Variants in CMSS1 observed in about 807,000 individuals in gnomAD.
CMSS1 encodes cms1 ribosomal small subunit homolog.
Under a neutral mutation model 43.5 loss-of-function variants are expected in CMSS1, and 33 were observed. That is an observed-to-expected ratio of 0.76 (90% CI 0.57 to 1.01). CMSS1 has a LOEUF of 1.01. CMSS1 is among the 50% of genes least tolerant of loss of function. The pLI is 0.00. For synonymous variants in CMSS1, 115 were observed against 117.2 expected (o/e 0.98, Z 0.12); for missense variants, 313 against 326.4 (o/e 0.96, Z 0.32).
chr3:100,106,433 G>A (rs2066396547), intron 1 of CMSS1, among the ~76,000 whole-genome samples: 1 of 152,078 alleles, frequency 6.6e-6, no homozygotes, highest in East Asian at 1.9e-4. Context: ...ATGGCCCCAG[G>A]GACAAGAAGG....
intron 1 of CMSS1, among the ~76,000 whole-genome samples, chr3:99,914,835 T>A (rs976702449): frequency 6.6e-6 from 1 of 152,236 alleles, no homozygotes; most frequent in Non-Finnish European, 1.5e-5. Context: ...GAGAATTTGC[T>A]AAATAAGTTG....
intron 1 of CMSS1, among the ~76,000 whole-genome samples, chr3:100,000,346 T>G (rs1007996593): frequency 6.6e-6 from 1 of 152,242 alleles, no homozygotes; most frequent in African/African-American, 2.4e-5. Flanking sequence ...TATTTATTTG[T>G]TTTCTTGTTT....
chr3:100,059,214 C>T (rs975036772), intron 1 of CMSS1, among the ~76,000 whole-genome samples: 3 of 152,300 alleles, frequency 2.0e-5, no homozygotes, highest in African/African-American at 7.2e-5. Context: ...TGTTTCTGTC[C>T]AGTTTCTGGG....
chr3:100,147,405 G>A lies in CMSS1; in HGVS notation c.153+344G>A, dbSNP rs80233606. Among the ~76,000 whole-genome samples, 403 of 150,942 alleles carry A rather than the reference G, an allele frequency of 2.7e-3. 3 individuals carry two copies. Among genetic ancestry groups the A allele is most frequent in the African/African-American group, 9.3e-3 (382 of 41,120 alleles). ...CTTACCTCAGCCTCCCAAGTAGCTG[G>A]GATACCACAGGCATGCACCACCACA... On this transcript the variant is annotated intron_variant, in intron 2 of 9. Coordinates refer to ENST00000421999, the MANE Select transcript of CMSS1 (RefSeq NM_032359.4).
intron 1 of CMSS1, among the ~76,000 whole-genome samples, chr3:99,838,777 A>G (rs1418531155): frequency 6.6e-6 from 1 of 152,188 alleles, no homozygotes; most frequent in Non-Finnish European, 1.5e-5. Context: ...TTATCCCTAA[A>G]GTTGTCATAA....
At chr3:99,850,389 C>T in intron 1 of CMSS1, 1 of 1,613,462 alleles carries the variant, frequency 6.2e-7, no homozygotes, top group Non-Finnish European at 8.5e-7. Flanking sequence ...CGTCTTCTAA[C>T]TTTTCCAGAG....
intron 1 of CMSS1, among the ~76,000 whole-genome samples, chr3:99,929,102 C>T (rs1436084513): frequency 1.3e-5 from 2 of 152,084 alleles, no homozygotes; most frequent in African/African-American, 4.8e-5. Flanking sequence ...TGTTTCTTTT[C>T]TATAAAAATG....
chr3:99,893,085 A>G (rs1199909923), intron 1 of CMSS1, among the ~76,000 whole-genome samples: 2 of 151,986 alleles, frequency 1.3e-5, no homozygotes, highest in Admixed American at 1.3e-4. Flanking sequence ...GTTACTGGGA[A>G]GAAATCTGGG....
intron 1 of CMSS1, among the ~76,000 whole-genome samples, chr3:100,064,933 C>A (rs1047047947): frequency 1.3e-5 from 2 of 152,140 alleles, no homozygotes; most frequent in Non-Finnish European, 2.9e-5. Context: ...GCTGTTGCTG[C>A]CTATGCAATG....
At chr3:100,030,926 T>C (rs944113982) in intron 1 of CMSS1, among the ~76,000 whole-genome samples, 1 of 152,200 alleles carries the variant, frequency 6.6e-6, no homozygotes, top group Non-Finnish European at 1.5e-5. Context: ...ATGAAAAATA[T>C]ATAGATTTGC....
At chr3:100,010,272 T>C (rs994662446) in intron 1 of CMSS1, 2 of 291,980 alleles carry the variant, frequency 6.8e-6, no homozygotes, top group African/African-American at 2.3e-5. Flanking sequence ...TCCTTAGTAG[T>C]ATACTGTGTT....
intron 1 of CMSS1, among the ~76,000 whole-genome samples, chr3:100,094,669 GCTGCCT>G (rs2066170993): frequency 7.6e-6 from 1 of 131,874 alleles, no homozygotes; most frequent in Non-Finnish European, 1.6e-5. Flanking sequence ...TGTTGGAAAA[GCTGCCT>G]TTTTTTTTTT....
At chr3:99,996,155 C>T (rs559372143) in intron 1 of CMSS1, among the ~76,000 whole-genome samples, 1 of 152,260 alleles carries the variant, frequency 6.6e-6, no homozygotes, top group Non-Finnish European at 1.5e-5. Flanking sequence ...CAGGTCACCT[C>T]TTGAATGCTT....
In CMSS1 at chr3:99,978,555, A is replaced by C. The variant is rs190154393; in HGVS notation, c.64+160512A>C. Among the ~76,000 whole-genome samples the C allele has an allele frequency of 2.6e-3, 389 of 152,324 alleles. 1 individual carries two copies. Among genetic ancestry groups the C allele is most frequent in the Non-Finnish European group, 3.9e-3 (268 of 68,024 alleles). ...AGGCACAGAAGGATGAACACACCAC[A>C]TATTCTCATTCATATGTGGAAGCTA... On this transcript the variant is annotated intron_variant, in intron 1 of 9. Transcript: ENST00000421999.
At chr3:99,912,800 T>C (rs1706833929) in intron 1 of CMSS1, among the ~76,000 whole-genome samples, 1 of 152,222 alleles carries the variant, frequency 6.6e-6, no homozygotes, top group African/African-American at 2.4e-5. Flanking sequence ...TCATGAATAA[T>C]GCTGCTGTGA....
At chr3:100,145,293 T>C (rs576283757) in intron 1 of CMSS1, among the ~76,000 whole-genome samples, 2 of 152,000 alleles carry the variant, frequency 1.3e-5, no homozygotes, top group East Asian at 3.9e-4. Context: ...ACACAAAAAT[T>C]AGCCAGGCGC....
At chr3:99,849,462 G>A in intron 1 of CMSS1, 1 of 1,613,994 alleles carries the variant, frequency 6.2e-7, no homozygotes, top group Non-Finnish European at 8.5e-7. Context: ...CTCCCTGGAG[G>A]TGACATATTA....
At chr3:99,873,143 A>G (rs763213055) in intron 1 of CMSS1, among the ~76,000 whole-genome samples, 1 of 152,180 alleles carries the variant, frequency 6.6e-6, no homozygotes, top group Non-Finnish European at 1.5e-5. Flanking sequence ...GACAGCAGCA[A>G]CCACAGAAAT....
At chr3:100,063,707 T>A (rs1026004851) in intron 1 of CMSS1, among the ~76,000 whole-genome samples, 3 of 150,508 alleles carry the variant, frequency 2.0e-5, no homozygotes, top group African/African-American at 7.3e-5. Flanking sequence ...GTGTTGGGTT[T>A]TTTTCTAGTT....
Sources: allele counts gnomAD v4.1 joint callset (sites outside exome capture counted in the v4.1 genomes callset), GRCh38; gene constraint gnomAD v4.1.1; transcripts MANE v1.5; gene names NCBI Gene and HGNC (gene_info 2026-07-23, HGNC 2026-07-21).